The following DPP10 variants were observed in gnomAD, a reference collection of about 807,000 sequenced individuals.
DPP10 encodes the protein inactive dipeptidyl peptidase 10.
DPP10 carries 33 observed loss-of-function variants against 120.9 expected under a neutral mutation model. That is an observed-to-expected ratio of 0.27 (90% CI 0.21 to 0.37). DPP10 has a LOEUF of 0.37. DPP10 is among the 10% of genes least tolerant of loss of function. The probability of loss-of-function intolerance (pLI) is 1.00; values close to 1 mark genes in which losing one functional copy is unlikely to be tolerated. For synonymous variants in DPP10, 337 were observed against 326.1 expected (o/e 1.03, Z -0.36); for missense variants, 816 against 942.8 (o/e 0.87, Z 1.76).
At chr2:114,453,061 A>T (rs1678375060) in intron 1 of DPP10, among the ~76,000 whole-genome samples, 1 of 152,170 alleles carries the variant, frequency 6.6e-6, no homozygotes, top group Non-Finnish European at 1.5e-5. Flanking sequence ...AAAGTAGGTG[A>T]CACAAGTAAA....
rs554973309 is a variant in DPP10, at chr2:114,806,231, G to T, written c.60+363393G>T. On this transcript the variant is annotated intron_variant, in intron 1 of 25. Coordinates refer to ENST00000410059, the MANE Select transcript of DPP10 (RefSeq NM_020868.6). ...CATATTTTTATTTTTGAATGATGTC[G>T]ACATTACAAGCTATTTTACAGGCTG... Among the ~76,000 whole-genome samples, 3 of 152,184 alleles carry T rather than the reference G, an allele frequency of 2.0e-5. 1 individual carries two copies. In the South Asian group the frequency reaches 6.2e-4, roughly 32 times the overall value.
chr2:114,754,404 A>G (rs1679541735), intron 1 of DPP10, among the ~76,000 whole-genome samples: 1 of 152,102 alleles, frequency 6.6e-6, no homozygotes, highest in Admixed American at 6.6e-5. Context: ...ACTAGTAGCA[A>G]TTTCTCTGCC....
intron 3 of DPP10, among the ~76,000 whole-genome samples, chr2:115,377,737 T>C (rs1449118983): frequency 1.3e-5 from 2 of 151,972 alleles, no homozygotes; most frequent in Non-Finnish European, 2.9e-5. Flanking sequence ...GTATAAGGTG[T>C]AAGGAAGGGA....
intron 3 of DPP10, among the ~76,000 whole-genome samples, chr2:115,488,910 C>T (rs925824869): frequency 1.3e-5 from 2 of 150,418 alleles, no homozygotes; most frequent in Non-Finnish European, 3.0e-5. Context: ...ATATGTATCT[C>T]TCATGCCATG....
intron 1 of DPP10, among the ~76,000 whole-genome samples, chr2:115,183,013 A>T (rs77123277): frequency 2.4e-5 from 1 of 42,186 alleles, no homozygotes. Flanking sequence ...ATTTACACGC[A>T]CACACACACA....
chr2:115,688,722 A>G (rs556494190), intron 5 of DPP10, among the ~76,000 whole-genome samples: 3 of 152,274 alleles, frequency 2.0e-5, no homozygotes, highest in South Asian at 2.1e-4. Context: ...GAAGCAAAAC[A>G]TAGAGGCATT....
At chr2:115,216,726 C>T (rs941147201) in intron 1 of DPP10, among the ~76,000 whole-genome samples, 3 of 151,842 alleles carry the variant, frequency 2.0e-5, no homozygotes, top group African/African-American at 4.8e-5. Flanking sequence ...CGGAAGTTGC[C>T]GTGAGCCCGG....
At position 115,329,905 on chromosome 2, in the gene DPP10, AT is replaced by A. The variant is rs563607964; in HGVS notation, c.176-13910del. ...AGTGCTGCAGTAAACATATGTGTGCATTGTGTCTTTATAGCAGCATGATTTA... is the reference window on the plus strand; with the variant it reads ...AGTGCTGCAGTAAACATATGTGTGCATGTGTCTTTATAGCAGCATGATTTA... On this transcript the variant is annotated intron_variant, in intron 2 of 25. Coordinates refer to ENST00000410059, the MANE Select transcript of DPP10 (RefSeq NM_020868.6). 4.7e-3 allele frequency among the ~76,000 whole-genome samples: 717 copies of A among 152,176 alleles called. 6 individuals are homozygous for A. The highest frequency in any genetic ancestry group is 0.017 in the African/African-American group (698 of 41,554).
intron 4 of DPP10, among the ~76,000 whole-genome samples, chr2:115,518,937 GGAT>G (rs1357837187): frequency 2.0e-5 from 3 of 152,094 alleles, no homozygotes; most frequent in Non-Finnish European, 4.4e-5. Flanking sequence ...ACTTGATATA[GGAT>G]GATTATAAAG....
At chr2:115,405,346 G>T (rs1295646327) in intron 3 of DPP10, among the ~76,000 whole-genome samples, 2 of 152,274 alleles carry the variant, frequency 1.3e-5, no homozygotes, top group East Asian at 1.9e-4. Flanking sequence ...TGGGCACACT[G>T]GGGTAGAGGA....
In DPP10 at chr2:115,495,365, GAAAA is replaced by G. The variant is rs3039998; in HGVS notation, c.272-4128_272-4125del. 2.3e-4 allele frequency among the ~76,000 whole-genome samples: 19 copies of G among 82,234 alleles called. 1 individual carries two copies. Among genetic ancestry groups the G allele is most frequent in the East Asian group, 9.2e-4 (2 of 2,176 alleles). The allele number at this position is 82,234 out of a possible 152,430, so 53.9% of individuals were successfully genotyped here. A position where few individuals can be genotyped will look rare whatever the true frequency, so the allele number is the denominator to read the frequency against. On this transcript the variant is annotated intron_variant, in intron 3 of 25. Coordinates refer to ENST00000410059, the MANE Select transcript of DPP10 (RefSeq NM_020868.6). ...AGAAACTAATTTTCAGCCATTTTCT[GAAAA>G]AAAAAAAAAAAAAAAAGTTTTTCGT...
At chr2:115,115,239 A>T (rs896566528) in intron 1 of DPP10, among the ~76,000 whole-genome samples, 5 of 152,156 alleles carry the variant, frequency 3.3e-5, no homozygotes, top group African/African-American at 1.2e-4. Flanking sequence ...TTATTTGAGT[A>T]AATGACTGAG....
At chr2:115,217,685 A>G (rs570582663) in intron 1 of DPP10, among the ~76,000 whole-genome samples, 2 of 152,322 alleles carry the variant, frequency 1.3e-5, no homozygotes, top group South Asian at 4.1e-4. Flanking sequence ...TCTCCCGCAC[A>G]TGAAAATTAA....
At chr2:114,605,843 T>C (rs1289504151) in intron 1 of DPP10, among the ~76,000 whole-genome samples, 2 of 152,116 alleles carry the variant, frequency 1.3e-5, no homozygotes, top group Non-Finnish European at 2.9e-5. Flanking sequence ...AAGGTCCAAT[T>C]GTTTTGCCAA....
intron 5 of DPP10, among the ~76,000 whole-genome samples, chr2:115,556,845 C>T (rs2149029349): frequency 6.6e-6 from 1 of 152,272 alleles, no homozygotes; most frequent in East Asian, 1.9e-4. Context: ...CTGTTTACAA[C>T]TTTATACACC....
intron 1 of DPP10, among the ~76,000 whole-genome samples, chr2:114,786,262 T>TC (rs972350158): frequency 3.3e-5 from 5 of 152,204 alleles, no homozygotes; most frequent in African/African-American, 1.2e-4. Context: ...ATATAAGCCT[T>TC]CCTTTAACTA....
At chr2:114,966,856 A>G (rs1699069896) in intron 1 of DPP10, among the ~76,000 whole-genome samples, 1 of 152,220 alleles carries the variant, frequency 6.6e-6, no homozygotes, top group Non-Finnish European at 1.5e-5. Context: ...AGCCTGATCA[A>G]CATGGTGAAA....
rs187617127 is a variant in DPP10 at position 115,802,284 on chromosome 2, C to A, written c.1700+10928C>A. On this transcript the variant is annotated intron_variant, in intron 19 of 25. Coordinates refer to ENST00000410059, the MANE Select transcript of DPP10 (RefSeq NM_020868.6). ...TCTGTGGGATCAGTGGTGATATCCC[C>A]TTTGTCATTTTTTATTGTGTCTATT... 3.9e-3 allele frequency among the ~76,000 whole-genome samples: 591 copies of A among 152,206 alleles called. 5 individuals are homozygous for A. The highest frequency in any genetic ancestry group is 0.013 in the African/African-American group (549 of 41,528).
chr2:115,359,588 A>T (rs1008503610), intron 3 of DPP10, among the ~76,000 whole-genome samples: 7 of 152,110 alleles, frequency 4.6e-5, no homozygotes, highest in Admixed American at 1.3e-4. Flanking sequence ...AATCTATTGA[A>T]TATGTGCCTT....
Sources: gnomAD v4.1 joint callset for allele counts (sites outside exome capture counted in the v4.1 genomes callset) on GRCh38, gnomAD v4.1.1 for gene constraint, MANE v1.5 for transcripts, NCBI Gene and HGNC (gene_info 2026-07-23, HGNC 2026-07-21) for gene names.